The following COL21A1 variants were observed in gnomAD, a reference collection of about 807,000 sequenced individuals.
COL21A1 encodes collagen type XXI alpha 1 chain, also known as collagen alpha-1(XXI) chain.
In COL21A1, 149 loss-of-function variants were observed where a neutral mutation model predicts 137.9. That is an observed-to-expected ratio of 1.08 (90% CI 0.95 to 1.24). The LOEUF (loss-of-function observed/expected upper bound fraction) is 1.24. COL21A1 is among the 50% of genes most tolerant of loss of function. The pLI is 0.00. For missense variants in COL21A1, 1,167 were observed against 1,158.4 expected (o/e 1.01, Z -0.11); for synonymous variants, 456 against 391.5 (o/e 1.16, Z -1.95).
At position 56,164,621 on chromosome 6, in the gene COL21A1, A is replaced by G. The variant is rs1776436749; in HGVS notation, c.1288-115T>C. 10 of 912,744 alleles carry G rather than the reference A, an allele frequency of 1.1e-5. No homozygotes were observed. In the South Asian group the frequency reaches 1.7e-4, roughly 16 times the overall value. The allele number at this position is 912,744 out of a possible 1,614,324, so 56.5% of individuals were successfully genotyped here. Reference sequence around the variant, plus strand: ...AAAATGGCAAAAATATCTTACATTCACTTTCAAATTTTATCTAACCCAACC... The same window carrying G: ...AAAATGGCAAAAATATCTTACATTCGCTTTCAAATTTTATCTAACCCAACC... On this transcript the variant is annotated intron_variant, in intron 8 of 29. Transcript: ENST00000244728.
chr6:56,362,603 T>C (rs1765999359), intron 1 of COL21A1, among the ~76,000 whole-genome samples: 1 of 152,150 alleles, frequency 6.6e-6, no homozygotes, highest in South Asian at 2.1e-4. Flanking sequence ...TTCTCGGCCT[T>C]TCCTTCAAAG....
At chr6:56,091,411 T>A (rs535872704) in intron 17 of COL21A1, 1 of 152,624 alleles carries the variant, frequency 6.6e-6, no homozygotes, top group African/African-American at 2.4e-5. Flanking sequence ...GTGATCCCCA[T>A]GTCTTTATTC....
At chr6:56,193,903 C>T (rs916658424) in intron 1 of COL21A1, among the ~76,000 whole-genome samples, 4 of 151,990 alleles carry the variant, frequency 2.6e-5, no homozygotes, top group Non-Finnish European at 5.9e-5. Context: ...TACAGGCGTG[C>T]GACACCATGC....
At chr6:56,273,560 T>G (rs186248445) in intron 1 of COL21A1, among the ~76,000 whole-genome samples, 19 of 152,122 alleles carry the variant, frequency 1.2e-4, no homozygotes, top group African/African-American at 4.6e-4. Flanking sequence ...TGATCACACA[T>G]AAATACAAAG....
chr6:56,179,979 T>C lies in COL21A1; in HGVS notation c.239A>G (p.Gln80Arg). 1 of 1,613,936 alleles carries C rather than the reference T, an allele frequency of 6.2e-7. No individual in the cohort carries two copies. ...CTCCAGCACAGGGTAGTCACTATATTGAACCACTCCAACTTGAATAAACTT... is the reference window on the plus strand; with the variant it reads ...CTCCAGCACAGGGTAGTCACTATATCGAACCACTCCAACTTGAATAAACTT... ...GPKFIQVGVV[Q>R]YSDYPVLEIP... is the part of the protein sequence containing the mutation. The change falls in exon 3 of 30, where the codon CAA becomes CGA. Residue 80 changes from glutamine to arginine, a missense_variant. Coordinates refer to ENST00000244728, the MANE Select transcript of COL21A1 (RefSeq NM_030820.4).
At chr6:56,166,363 C>A (rs980697392) in intron 7 of COL21A1, among the ~76,000 whole-genome samples, 1 of 152,158 alleles carries the variant, frequency 6.6e-6, no homozygotes, top group African/African-American at 2.4e-5. Flanking sequence ...CGGGGAAAAA[C>A]ATTACTGACA....
chr6:56,166,896 T>G lies in COL21A1; in HGVS notation c.1278+10A>C. The G allele has an allele frequency of 1.2e-6, 2 of 1,607,674 alleles. No individual in the cohort carries two copies. Among genetic ancestry groups the G allele is most frequent in the Non-Finnish European group, 1.7e-6 (2 of 1,175,816 alleles). ...CAACATCTGGGAAAAAAACAATCCC[T>G]CCTACTTACAAATCCAGGAATCTCA... On this transcript the variant is annotated intron_variant, in intron 7 of 29. Coordinates refer to ENST00000244728, the MANE Select transcript of COL21A1 (RefSeq NM_030820.4).
chr6:56,122,312 C>CT (rs11410654), intron 16 of COL21A1, among the ~76,000 whole-genome samples: 15,770 of 143,810 alleles, frequency 0.11, 1,053 homozygotes, highest in African/African-American at 0.2. Context: ...CATGCGGTTT[C>CT]TTTTTTTTTT....
intron 1 of COL21A1, among the ~76,000 whole-genome samples, chr6:56,349,362 T>G (rs898893514): frequency 3.4e-4 from 51 of 149,514 alleles, no homozygotes; most frequent in African/African-American, 1.2e-3. Flanking sequence ...AAAAAAAAAT[T>G]TAACCACATA....
At chr6:56,128,089 G>A (rs1773197577) in intron 12 of COL21A1, among the ~76,000 whole-genome samples, 1 of 152,194 alleles carries the variant, frequency 6.6e-6, no homozygotes. Context: ...CAGGAAAGGG[G>A]ACGGCAAACC....
intron 1 of COL21A1, among the ~76,000 whole-genome samples, chr6:56,376,410 A>G (rs1284718595): frequency 6.6e-6 from 1 of 152,114 alleles, no homozygotes; most frequent in East Asian, 1.9e-4. Flanking sequence ...ATGAGTAAGA[A>G]ATACCAGTAA....
chr6:56,233,432 T>C (rs889195184), intron 1 of COL21A1, among the ~76,000 whole-genome samples: 2 of 151,784 alleles, frequency 1.3e-5, no homozygotes, highest in South Asian at 4.1e-4. Flanking sequence ...TTCAAATATA[T>C]ATGTAAGAAT....
intron 12 of COL21A1, among the ~76,000 whole-genome samples, chr6:56,135,332 A>G (rs547225446): frequency 6.6e-6 from 1 of 152,138 alleles, no homozygotes; most frequent in Non-Finnish European, 1.5e-5. Flanking sequence ...CAAATTACAG[A>G]GAAGTAACAC....
At chr6:56,358,515 A>G (rs1765889884) in intron 1 of COL21A1, among the ~76,000 whole-genome samples, 1 of 151,864 alleles carries the variant, frequency 6.6e-6, no homozygotes, top group Non-Finnish European at 1.5e-5. Flanking sequence ...TCTTGTCTAC[A>G]TGGTAAAATT....
rs1378451637 is a variant in COL21A1 at position 56,171,116 on chromosome 6, GGACA to G, written c.649_652del (p.Cys217GlnfsTer18). 3 of 1,595,386 alleles carry G rather than the reference GGACA, an allele frequency of 1.9e-6. No individual in the cohort carries two copies. Among genetic ancestry groups the G allele is most frequent in the East Asian group, 4.5e-5 (2 of 44,656 alleles). On this transcript the variant is annotated frameshift_variant, in exon 4 of 30. Transcript: ENST00000244728. LOFTEE classifies it high-confidence loss of function. ...ACGAGCTGCCACTGGAATTCGTGTTGGACAGACAGATTCTATAAAGCAAAAGCAA... is the reference window on the plus strand; with the variant it reads ...ACGAGCTGCCACTGGAATTCGTGTTGGACAGATTCTATAAAGCAAAAGCAA...
intron 1 of COL21A1, among the ~76,000 whole-genome samples, chr6:56,393,204 A>G (rs1386098341): frequency 6.6e-6 from 1 of 152,352 alleles, no homozygotes; most frequent in South Asian, 2.1e-4. Flanking sequence ...ACAGATTTAT[A>G]GTCAATTCAT....
At chr6:56,124,696 C>T (rs1439548046) in intron 14 of COL21A1, among the ~76,000 whole-genome samples, 2 of 152,122 alleles carry the variant, frequency 1.3e-5, no homozygotes, top group African/African-American at 4.8e-5. Context: ...GGCTGGAGTG[C>T]AGTGGTGCAA....
rs199910287 is a variant in COL21A1 at position 56,070,758 on chromosome 6, G to A, written c.2006C>T (p.Ala669Val). 4.0e-4 allele frequency: 641 copies of A among 1,588,206 alleles called. 1 individual carries two copies. The highest frequency in any genetic ancestry group is 4.9e-4 in the Non-Finnish European group (577 of 1,171,440). The stretch of plus-strand genomic sequence containing the variant: ...CATCAAAATTACCTTGAGCCCAGAA[G>A]CCCCAGGCATCCCTTGAATTCCAGG... Reference protein sequence around the residue: ...GEPGIQGMPGASGLKGEPGAT... With the variant: ...GEPGIQGMPGVSGLKGEPGAT... The change falls in exon 21 of 30, where the codon GCT becomes GTT. Residue 669 changes from alanine (A) to valine (V), a missense_variant. Physicochemically the swap from Ala to Val is moderately conservative, Grantham distance 64 (BLOSUM62 0). Coordinates refer to ENST00000244728, the MANE Select transcript of COL21A1 (RefSeq NM_030820.4).
intron 17 of COL21A1, among the ~76,000 whole-genome samples, chr6:56,099,096 C>T (rs987182948): frequency 1.5e-4 from 23 of 151,872 alleles, no homozygotes; most frequent in Non-Finnish European, 2.5e-4. Flanking sequence ...ACGTGCTCCT[C>T]ACATTGAATT....
Sources: allele counts gnomAD v4.1 joint callset (sites outside exome capture counted in the v4.1 genomes callset), GRCh38; gene constraint gnomAD v4.1.1; transcripts MANE v1.5; gene names NCBI Gene and HGNC (gene_info 2026-07-23, HGNC 2026-07-21).